The following PTPN5 variants were observed in gnomAD, a reference collection of about 807,000 sequenced individuals.
The protein encoded by PTPN5 is tyrosine-protein phosphatase non-receptor type 5.
Under a neutral mutation model 73.9 loss-of-function variants are expected in PTPN5, and 29 were observed. The ratio of observed to expected loss-of-function variants is 0.39; its 90% CI spans 0.29 to 0.54. The LOEUF is 0.54. Ranked by LOEUF, PTPN5 falls within the 20% of genes least tolerant of loss-of-function variation. The pLI is 0.65. For synonymous variants in PTPN5, 267 were observed against 304.7 expected (o/e 0.88, Z 1.29); for missense variants, 652 against 751.4 (o/e 0.87, Z 1.55).
chr11:18,729,824 G>C lies in PTPN5; in HGVS notation c.1330-6C>G. The C allele has an allele frequency of 6.2e-7, 1 of 1,614,056 alleles. No homozygotes were observed. The highest frequency in any genetic ancestry group is 8.5e-7 in the Non-Finnish European group (1 of 1,179,974). ...CCTCGCTCCTCAGTCCCACTCTGTC[G>C]AGGAGACAGAGGCCCACCCCAGGTA... is the stretch of plus-strand genomic sequence containing the variant. On this transcript the variant is annotated splice_polypyrimidine_tract_variant and splice_region_variant and intron_variant, in intron 12 of 14. Transcript: ENST00000358540. This position sits in a 1 kb window ranked among gnomAD's most constrained non-coding sequence, Gnocchi z 5.2.
chr11:18,785,987 A>G (rs1409428506), intron 1 of PTPN5, among the ~76,000 whole-genome samples: 1 of 152,172 alleles, frequency 6.6e-6, no homozygotes, highest in Non-Finnish European at 1.5e-5. Context: ...GCTACACCCC[A>G]GGTATAGAAA....
chr11:18,774,857 T>C (rs1485364835), intron 1 of PTPN5, among the ~76,000 whole-genome samples: 1 of 152,070 alleles, frequency 6.6e-6, no homozygotes, highest in African/African-American at 2.4e-5. Context: ...TTGGTGAGGA[T>C]GGAAGGGAAC....
chr11:18,787,514 C>T (rs1246364151), intron 1 of PTPN5, among the ~76,000 whole-genome samples: 2 of 152,162 alleles, frequency 1.3e-5, no homozygotes, highest in Admixed American at 1.3e-4. Context: ...TCACCTTTTT[C>T]CTTATCACTT....
At chr11:18,739,843 C>A (rs1160213986) in intron 8 of PTPN5, among the ~76,000 whole-genome samples, 1 of 152,184 alleles carries the variant, frequency 6.6e-6, no homozygotes, top group Non-Finnish European at 1.5e-5. Context: ...CCTCTCAGGG[C>A]CCTCCTGCCA....
intron 12 of PTPN5, chr11:18,730,179 G>A (rs55900089): frequency 3.4e-4 from 152 of 450,272 alleles, no homozygotes; most frequent in Admixed American, 6.6e-4. Flanking sequence ...ACCCAGCCCC[G>A]GGACTCTTCT....
In PTPN5 at chr11:18,738,030, G is replaced by A. The variant is rs1002951685; in HGVS notation, c.916-66C>T. Reference sequence around the variant, plus strand: ...TCACAGATGTTTGAATCCAGGGGCTGCTGTGCCCCCAACTCCTAGCCCAGG... The same window carrying A: ...TCACAGATGTTTGAATCCAGGGGCTACTGTGCCCCCAACTCCTAGCCCAGG... On this transcript the variant is annotated intron_variant, in intron 8 of 14. Coordinates refer to ENST00000358540, the MANE Select transcript of PTPN5 (RefSeq NM_006906.2). 6.7e-6 allele frequency: 9 copies of A among 1,336,832 alleles called. No homozygotes were observed. The African/African-American group carries it at 1.0e-4, about 15-fold the overall frequency. The allele number at this position is 1,336,832 out of a possible 1,614,324, so 82.8% of individuals were successfully genotyped here.
intron 1 of PTPN5, among the ~76,000 whole-genome samples, chr11:18,789,208 T>C (rs1363912725): frequency 6.6e-6 from 1 of 152,202 alleles, no homozygotes; most frequent in Non-Finnish European, 1.5e-5. Flanking sequence ...CTGAGCATTT[T>C]CTATGTGTTA....
rs745628251 is a variant in PTPN5 at position 18,743,358 on chromosome 11, G to A, written c.363C>T (p.Ser121=). 9 of 1,614,160 alleles carry A rather than the reference G, an allele frequency of 5.6e-6. No homozygotes were observed. Among genetic ancestry groups the A allele is most frequent in the South Asian group, 4.4e-5 (4 of 91,082 alleles). The change falls in exon 5 of 15, where the codon TCC becomes TCT. Residue 121 remains serine, a synonymous_variant. Coordinates refer to ENST00000358540, the MANE Select transcript of PTPN5 (RefSeq NM_006906.2). ...IWSQNATNLV[S]SLLTLLKQLE... is the part of the protein sequence containing the mutation. ...GCTGTTTCAGGAGCGTCAGCAAAGAGGAGACGAGGTTTGTGGCGTTCTGTG... is the reference window on the plus strand; with the variant it reads ...GCTGTTTCAGGAGCGTCAGCAAAGAAGAGACGAGGTTTGTGGCGTTCTGTG...
At chr11:18,740,429 G>A (rs867343480) in intron 8 of PTPN5, 174 bp downstream of exon 8, 39 of 502,494 alleles carry the variant, frequency 7.8e-5, no homozygotes, top group African/African-American at 4.6e-4. Flanking sequence ...TCCAGATGAG[G>A]AAACTGAAGC....
chr11:18,792,307 C>T (rs985531812), upstream of PTPN5: 1 of 152,336 alleles, frequency 6.6e-6, no homozygotes, highest in Non-Finnish European at 1.5e-5. Context: ...GTTGCCAACA[C>T]CTGCGCAAGT....
chr11:18,753,515 A>G (rs141726196), intron 3 of PTPN5, among the ~76,000 whole-genome samples: 2 of 152,290 alleles, frequency 1.3e-5, no homozygotes, highest in African/African-American at 2.4e-5. Flanking sequence ...ATGGCTAACA[A>G]CAAAGGACCA....
chr11:18,755,954 A>C (rs1850113135), intron 3 of PTPN5, among the ~76,000 whole-genome samples: 1 of 149,110 alleles, frequency 6.7e-6, no homozygotes, highest in Admixed American at 6.7e-5. Context: ...CAGTGAGCCG[A>C]GATCGTGCCA....
rs1564901225 is a variant in PTPN5 at position 18,746,169 on chromosome 11, ATATAT to A, written c.98-1975_98-1971del. ...AAAGCTGTTATAAATATAAATATAT[ATATAT>A]ATATATATATATATATATACATTTT... On this transcript the variant is annotated intron_variant, in intron 3 of 14. Transcript: ENST00000358540. 9.2e-5 allele frequency among the ~76,000 whole-genome samples: 9 copies of A among 98,256 alleles called. 1 individual carries two copies. Among genetic ancestry groups the A allele is most frequent in the African/African-American group, 2.3e-4 (8 of 34,616 alleles). 64.5% of individuals were successfully genotyped at this position (98,256 alleles called of 152,430 possible).
chr11:18,729,057 G>C lies in PTPN5; in HGVS notation c.1605-30C>G. ...CCGGCAGAGATGCACAGTGGGGGCA[G>C]GGTCGTGGAGGGATGGGCTGTGGGA... is the stretch of plus-strand genomic sequence containing the variant. On this transcript the variant is annotated intron_variant, in intron 14 of 14. Coordinates refer to ENST00000358540, the MANE Select transcript of PTPN5 (RefSeq NM_006906.2). This position sits in a 1 kb window ranked among gnomAD's most constrained non-coding sequence, Gnocchi z 5.2. The C allele has an allele frequency of 1.2e-6, 2 of 1,605,794 alleles. No homozygotes were observed. Among genetic ancestry groups the C allele is most frequent in the Non-Finnish European group, 1.7e-6 (2 of 1,176,144 alleles).
intron 2 of PTPN5, among the ~76,000 whole-genome samples, chr11:18,768,294 T>C (rs1850726732): frequency 6.6e-6 from 1 of 152,222 alleles, no homozygotes; most frequent in Non-Finnish European, 1.5e-5. Context: ...GGAAGGCCTC[T>C]CATTTTACAG....
At chr11:18,749,349 T>C (rs1403760098) in intron 3 of PTPN5, 1 of 518,658 alleles carries the variant, frequency 1.9e-6, no homozygotes, top group Admixed American at 1.9e-5. Flanking sequence ...TTAAGTGTCT[T>C]GGCCAAGTAA....
chr11:18,769,524 C>T (rs562355739), intron 2 of PTPN5, among the ~76,000 whole-genome samples: 1 of 152,286 alleles, frequency 6.6e-6, no homozygotes, highest in African/African-American at 2.4e-5. Context: ...CTGCCTCAGC[C>T]TCCCAGTAGC....
intron 3 of PTPN5, among the ~76,000 whole-genome samples, chr11:18,749,920 C>G (rs1391833878): frequency 6.6e-6 from 1 of 152,208 alleles, no homozygotes; most frequent in Admixed American, 6.5e-5. Flanking sequence ...CAAGCTCTGT[C>G]CCAGTTAGCT....
chr11:18,751,065 C>G (rs1187696742), intron 3 of PTPN5, among the ~76,000 whole-genome samples: 1 of 152,188 alleles, frequency 6.6e-6, no homozygotes, highest in Admixed American at 6.5e-5. Flanking sequence ...AGAAGGAATA[C>G]ACCCAATCAG....
Sources: allele counts gnomAD v4.1 joint callset (sites outside exome capture counted in the v4.1 genomes callset), GRCh38; gene constraint gnomAD v4.1.1; non-coding constraint Gnocchi (gnomAD v3.1); transcripts MANE v1.5; gene names NCBI Gene and HGNC (gene_info 2026-07-23, HGNC 2026-07-21).